The following NUMB variants were observed in gnomAD, a reference collection of about 807,000 sequenced individuals.
NUMB encodes the protein NUMB endocytic adaptor protein.
A neutral mutation model predicts 59.7 loss-of-function variants in NUMB; 29 were observed. The observed-to-expected ratio is 0.49, with a 90% CI of 0.36 to 0.66. NUMB has a LOEUF of 0.66. NUMB is among the 30% of genes least tolerant of loss of function. The pLI is 0.00. For missense variants in NUMB, 723 were observed against 822.0 expected (o/e 0.88, Z 1.47); for synonymous variants, 288 against 288.2 (o/e 1.00, Z 0.01).
chr14:73,429,187 T>C (rs1324262640), intron 1 of NUMB, among the ~76,000 whole-genome samples: 5 of 151,904 alleles, frequency 3.3e-5, no homozygotes, highest in African/African-American at 7.3e-5. Flanking sequence ...CTGGCTAACA[T>C]GGTGAAACCC....
chr14:73,287,104 T>G lies in NUMB; in HGVS notation c.655+6A>C. 6.2e-7 allele frequency: 1 copy of G among 1,612,318 alleles called. No individual in the cohort carries two copies. Among genetic ancestry groups the G allele is most frequent in the Non-Finnish European group, 8.5e-7 (1 of 1,178,430 alleles). On this transcript the variant is annotated splice_donor_region_variant and intron_variant, in intron 9 of 12. Transcript: ENST00000555238. ...CCATAAATACACACTGTAGAACAGA[T>G]TGTACCTTTCTTGGCATCTTGCATT...
At chr14:73,417,272 T>G (rs1897167434) in intron 1 of NUMB, among the ~76,000 whole-genome samples, 1 of 152,122 alleles carries the variant, frequency 6.6e-6, no homozygotes. Context: ...TCACTCTGAC[T>G]TACACACTTA....
intron 3 of NUMB, among the ~76,000 whole-genome samples, chr14:73,358,602 C>CTTCT (rs1555374489): frequency 6.7e-5 from 8 of 118,946 alleles, no homozygotes; most frequent in South Asian, 2.7e-4. Context: ...GAAAGCTAGA[C>CTTCT]TTTTTTTTTT....
chr14:73,419,751 G>C (rs1040524443), intron 1 of NUMB, among the ~76,000 whole-genome samples: 1 of 152,076 alleles, frequency 6.6e-6, no homozygotes, highest in African/African-American at 2.4e-5. Flanking sequence ...AACATCCTCA[G>C]ACAATGGTGG....
intron 2 of NUMB, among the ~76,000 whole-genome samples, chr14:73,389,782 G>A (rs1895754047): frequency 6.6e-6 from 1 of 152,146 alleles, no homozygotes; most frequent in South Asian, 2.1e-4. Flanking sequence ...TTTAAAATGG[G>A]ATAATAATGT....
At chr14:73,437,207 G>C (rs1898096812) in intron 1 of NUMB, among the ~76,000 whole-genome samples, 1 of 151,730 alleles carries the variant, frequency 6.6e-6, no homozygotes, top group Non-Finnish European at 1.5e-5. Flanking sequence ...CACCATGCCT[G>C]GCTAATTTTT....
intron 1 of NUMB, among the ~76,000 whole-genome samples, chr14:73,429,744 A>G (rs957250824): frequency 3.0e-4 from 45 of 152,216 alleles, no homozygotes; most frequent in African/African-American, 1.1e-3. Context: ...GGAGTTTCAG[A>G]CCAGCCTGGC....
At chr14:73,382,348 T>C (rs1895286844) in intron 2 of NUMB, among the ~76,000 whole-genome samples, 3 of 151,942 alleles carry the variant, frequency 2.0e-5, no homozygotes. Flanking sequence ...GGTTTTACCA[T>C]GTTGGCCAGG....
chr14:73,316,340 T>C (rs763094823), intron 6 of NUMB, 50 bp downstream of exon 6: 12 of 1,523,672 alleles, frequency 7.9e-6, no homozygotes, highest in Middle Eastern at 1.7e-4. Context: ...AGTGCTACAC[T>C]AGGGGTGTAA....
chr14:73,413,347 AGTGCT>A (rs1316564567), intron 1 of NUMB, among the ~76,000 whole-genome samples: 1 of 151,452 alleles, frequency 6.6e-6, no homozygotes, highest in Admixed American at 6.6e-5. Context: ...GGCCTTCCAA[AGTGCT>A]GGGATTACAG....
intron 12 of NUMB, among the ~76,000 whole-genome samples, chr14:73,278,533 C>A (rs908680423): frequency 6.7e-6 from 1 of 149,656 alleles, no homozygotes; most frequent in Non-Finnish European, 1.5e-5. Flanking sequence ...AAAAAAAAAA[C>A]TTTTTGGTTT....
At chr14:73,404,142 T>A (rs1480412996) in intron 2 of NUMB, among the ~76,000 whole-genome samples, 2 of 151,050 alleles carry the variant, frequency 1.3e-5, no homozygotes, top group African/African-American at 4.9e-5. Context: ...CTTGGCAAGC[T>A]GAGACACAAG....
In NUMB at chr14:73,425,896, C is replaced by T. The variant is rs1398841689; in HGVS notation, c.-232-15828G>A. On this transcript the variant is annotated intron_variant, in intron 1 of 12. Transcript: ENST00000555238. ...CAATCTTGGCTCACTGCAACCTCCG[C>T]CTCCCAGGTTCAAGCAATTCTCCTG... 1.3e-5 allele frequency among the ~76,000 whole-genome samples: 2 copies of T among 151,084 alleles called. 1 individual carries two copies. The highest frequency in any genetic ancestry group is 1.3e-4 in the Admixed American group (2 of 15,166).
intron 6 of NUMB, among the ~76,000 whole-genome samples, chr14:73,300,204 G>C (rs1259319476): frequency 6.6e-6 from 1 of 152,142 alleles, no homozygotes; most frequent in African/African-American, 2.4e-5. Flanking sequence ...AAAGAGAAGA[G>C]TAATTTAGAG....
intron 6 of NUMB, among the ~76,000 whole-genome samples, chr14:73,302,176 T>G (rs1277230015): frequency 2.0e-5 from 3 of 152,202 alleles, no homozygotes; most frequent in Admixed American, 2.0e-4. Flanking sequence ...GAATCATATT[T>G]GTCATATTTC....
At chr14:73,434,574 A>C (rs1321677030) in intron 1 of NUMB, among the ~76,000 whole-genome samples, 5 of 152,220 alleles carry the variant, frequency 3.3e-5, no homozygotes, top group Non-Finnish European at 5.9e-5. Context: ...AAATTCAGAA[A>C]GTACCTCTAG....
intron 6 of NUMB, among the ~76,000 whole-genome samples, chr14:73,304,129 T>A (rs1024675023): frequency 6.6e-6 from 1 of 151,874 alleles, no homozygotes; most frequent in African/African-American, 2.4e-5. Flanking sequence ...ACGAAAAAAA[T>A]TGGTGAAGGA....
intron 1 of NUMB, among the ~76,000 whole-genome samples, chr14:73,414,628 C>A (rs1897043603): frequency 6.6e-6 from 1 of 152,154 alleles, no homozygotes; most frequent in African/African-American, 2.4e-5. Context: ...TCAAAGCGAT[C>A]TGCCCTTCTC....
chr14:73,417,392 T>C (rs908971306), intron 1 of NUMB, among the ~76,000 whole-genome samples: 1 of 150,690 alleles, frequency 6.6e-6, no homozygotes, highest in Non-Finnish European at 1.5e-5. Context: ...CACCTGCCTG[T>C]CTGCATGTTC....
Sources: gnomAD v4.1 joint callset for allele counts (sites outside exome capture counted in the v4.1 genomes callset) on GRCh38, gnomAD v4.1.1 for gene constraint, MANE v1.5 for transcripts, NCBI Gene and HGNC (gene_info 2026-07-23, HGNC 2026-07-21) for gene names.